HAND2: variants seen among roughly 807,000 people sequenced by gnomAD.
HAND2 encodes heart and neural crest derivatives expressed 2, also known as heart- and neural crest derivatives-expressed protein 2.
Under a neutral mutation model 14.7 loss-of-function variants are expected in HAND2, and 2 were observed. The ratio of observed to expected loss-of-function variants is 0.14; its 90% CI spans 0.06 to 0.43. The LOEUF (loss-of-function observed/expected upper bound fraction) is 0.43, where lower values mean the gene tolerates loss of function less well. HAND2 is among the 20% of genes least tolerant of loss of function. The pLI, the probability that HAND2 is intolerant of heterozygous loss-of-function variation, is 0.99. For missense variants in HAND2, 275 were observed against 313.6 expected, an observed-to-expected ratio of 0.88 and a Z score of 0.93; for synonymous variants, 162 against 135.9, an observed-to-expected ratio of 1.19 and a Z score of -1.34.
chr4:173,526,886 C>T lies in HAND2; in HGVS notation c.*391G>A. The T allele has an allele frequency of 2.2e-6, 1 of 457,378 alleles. No homozygotes were observed. 28.3% of individuals were successfully genotyped at this position (457,378 alleles called of 1,614,324 possible). A position where few individuals can be genotyped will look rare whatever the true frequency, so the allele number is the denominator to read the frequency against. ...AAGTATTAAAGATACACTTCACAAACGCACTAGTGCCCACTGTCTTTATCT... is the reference window on the plus strand; with the variant it reads ...AAGTATTAAAGATACACTTCACAAATGCACTAGTGCCCACTGTCTTTATCT... On this transcript the variant is annotated 3_prime_UTR_variant, in exon 2 of 2. Transcript: ENST00000359562.
chr4:173,528,506 G>A lies in HAND2; in HGVS notation c.555+229C>T, dbSNP rs1579037854. The A allele has an allele frequency of 3.4e-6, 2 of 584,564 alleles. No individual in the cohort carries two copies. Among genetic ancestry groups the A allele is most frequent in the Admixed American group, 6.0e-5 (2 of 33,496 alleles). 36.2% of individuals were successfully genotyped at this position (584,564 alleles called of 1,614,324 possible). A position where few individuals can be genotyped will look rare whatever the true frequency, so the allele number is the denominator to read the frequency against. On this transcript the variant is annotated intron_variant, in intron 1 of 1. Transcript: ENST00000359562. This position sits in a 1 kb window ranked among gnomAD's most constrained non-coding sequence, Gnocchi z 5.6. ...GGGAGCAGCGATAACCCGGAGGTAA[G>A]ATCACCAGCGCAAAGCATCCCTAAC...
At position 173,528,897 on chromosome 4, in the gene HAND2, G is replaced by T. The variant is rs372782210; in HGVS notation, c.393C>A (p.Ala131=). Residue 131 remains alanine (A), a synonymous_variant, in exon 1 of 2, where the codon GCC becomes GCA. Transcript: ENST00000359562. This position sits in a 1 kb window ranked among gnomAD's most constrained non-coding sequence, Gnocchi z 5.6. ...ELRECIPNVP[A]DTKLSKIKTL... is the part of the protein sequence containing the mutation. Reference sequence around the variant, plus strand: ...TCTTGATTTTGGAGAGTTTGGTGTCGGCGGGTACGTTGGGGATGCACTCGC... The same window carrying T: ...TCTTGATTTTGGAGAGTTTGGTGTCTGCGGGTACGTTGGGGATGCACTCGC... 2 of 1,614,030 alleles carry T rather than the reference G, an allele frequency of 1.2e-6. No homozygotes were observed. Among genetic ancestry groups the T allele is most frequent in the Admixed American group, 1.7e-5 (1 of 60,002 alleles).
chr4:173,527,450 C>T, intron 1 of HAND2, 75 bp from the exon 2 acceptor site: 1 of 982,354 alleles, frequency 1.0e-6, no homozygotes, highest in Non-Finnish European at 1.6e-6. Flanking sequence ...CACACCAACC[C>T]GGAGCTTCCT....
rs982965349 is a variant in HAND2 at position 173,527,181 on chromosome 4, A to T, written c.*96T>A. 3.7e-6 allele frequency: 3 copies of T among 814,092 alleles called. No homozygotes were observed. The highest frequency in any genetic ancestry group is 6.5e-6 in the Non-Finnish European group (3 of 463,036). 50.4% of individuals were successfully genotyped at this position (814,092 alleles called of 1,614,324 possible). Reference sequence around the variant, plus strand: ...GATTCCAAATGCAAGGAGTCCTCAGAGCGGAGCGCGGACGGCTTTTCCGGA... The same window carrying T: ...GATTCCAAATGCAAGGAGTCCTCAGTGCGGAGCGCGGACGGCTTTTCCGGA... On this transcript the variant is annotated 3_prime_UTR_variant, in exon 2 of 2. Transcript: ENST00000359562.
chr4:173,527,295 G>C lies in HAND2; in HGVS notation c.636C>G (p.Ala212=), dbSNP rs1029483128. 5 of 1,612,354 alleles carry C rather than the reference G, an allele frequency of 3.1e-6. No homozygotes were observed. The highest frequency in any genetic ancestry group is 4.2e-6 in the Non-Finnish European group (5 of 1,179,358). The change falls in exon 2 of 2, where the codon GCC becomes GCG. Residue 212 remains alanine, a synonymous_variant. Transcript: ENST00000359562. ...CTCCTCCTCACTGCTTGAGCTCCAG[G>C]GCCCAGACGTGCTGCGGCCAGCCCG... is the stretch of plus-strand genomic sequence containing the variant. The part of the protein sequence containing the change: ...GRTGWPQHVW[A]LELKQ
At position 173,526,837 on chromosome 4, in the gene HAND2, C is replaced by A; in HGVS notation, c.*440G>T. The A allele has an allele frequency of 2.6e-6, 1 of 380,488 alleles. No homozygotes were observed. 23.6% of individuals were successfully genotyped at this position (380,488 alleles called of 1,614,324 possible). ...CTTTGAAATAAAACTTTATAATACC[C>A]AGGAATATTTATATCCAAAGGCCAA... On this transcript the variant is annotated 3_prime_UTR_variant, in exon 2 of 2. Coordinates refer to ENST00000359562, the MANE Select transcript of HAND2 (RefSeq NM_021973.3).
intron 1 of HAND2, 23 bp from the exon 2 acceptor site, chr4:173,527,398 C>T: frequency 6.5e-7 from 1 of 1,534,424 alleles, no homozygotes; most frequent in Non-Finnish European, 9.0e-7. Context: ...AAGGCGAGGG[C>T]GAGAAAAGTG....
At position 173,526,433 on chromosome 4, in the gene HAND2, C is replaced by CCTTCTCCTCCTCCTCA; in HGVS notation, c.*843_*844insTGAGGAGGAGGAGAAG. 6.5e-6 allele frequency: 1 copy of CCTTCTCCTCCTCCTCA among 154,712 alleles called. No homozygotes were observed. The highest frequency in any genetic ancestry group is 1.4e-5 in the Non-Finnish European group (1 of 69,702). 9.6% of individuals were successfully genotyped at this position (154,712 alleles called of 1,614,324 possible). On this transcript the variant is annotated 3_prime_UTR_variant, in exon 2 of 2. Coordinates refer to ENST00000359562, the MANE Select transcript of HAND2 (RefSeq NM_021973.3). ...CTTCTCTTTAAGAGCACCTCCTCCT[C>CCTTCTCCTCCTCCTCA]CTGCGTAGGCCGCAGGTCAGGGTGA...
rs748365783 is a variant in HAND2, at chr4:173,527,247, G to C, written c.*30C>G. Reference sequence around the variant, plus strand: ...CTGGCGCCTTGGCCCCTGCTCACTCGCGCTCTCCTCCTCCTCCTTCTCCTC... The same window carrying C: ...CTGGCGCCTTGGCCCCTGCTCACTCCCGCTCTCCTCCTCCTCCTTCTCCTC... On this transcript the variant is annotated 3_prime_UTR_variant, in exon 2 of 2. Coordinates refer to ENST00000359562, the MANE Select transcript of HAND2 (RefSeq NM_021973.3). The C allele has an allele frequency of 1.1e-5, 16 of 1,514,312 alleles. No homozygotes were observed. Among genetic ancestry groups the C allele is most frequent in the Non-Finnish European group, 3.7e-6 (4 of 1,094,862 alleles). 93.8% of individuals were successfully genotyped at this position (1,514,312 alleles called of 1,614,324 possible).
intron 1 of HAND2, 130 bp from the exon 2 acceptor site, chr4:173,527,505 G>C: frequency 5.3e-6 from 4 of 756,366 alleles, no homozygotes; most frequent in Non-Finnish European, 9.6e-6. Flanking sequence ...ATACGATGGG[G>C]GAGTCCCAGC....
Position 173,527,389 on chromosome 4 carries a change from A to G in HAND2, c.556-14T>C. ...CAAGATTTCGTTCTGGACAGAGGAAAGGCGAGGGCGAGAAAAGTGGAAAGA... is the reference window on the plus strand; with the variant it reads ...CAAGATTTCGTTCTGGACAGAGGAAGGGCGAGGGCGAGAAAAGTGGAAAGA... On this transcript the variant is annotated splice_polypyrimidine_tract_variant and intron_variant, in intron 1 of 1. Coordinates refer to ENST00000359562, the MANE Select transcript of HAND2 (RefSeq NM_021973.3). 1.9e-6 allele frequency: 3 copies of G among 1,582,420 alleles called. No individual in the cohort carries two copies. The highest frequency in any genetic ancestry group is 2.6e-6 in the Non-Finnish European group (3 of 1,151,308).
rs749514760 is a variant in HAND2 at position 173,527,355 on chromosome 4, T to C, written c.576A>G (p.Thr192=). The change falls in exon 2 of 2, where the codon ACA becomes ACG. Residue 192 remains threonine, a synonymous_variant. Coordinates refer to ENST00000359562, the MANE Select transcript of HAND2 (RefSeq NM_021973.3). ...TGGTTTTCTTGTCGTTGCTGCTCACTGTGCTTTTCAAGATTTCGTTCTGGA... is the reference window on the plus strand; with the variant it reads ...TGGTTTTCTTGTCGTTGCTGCTCACCGTGCTTTTCAAGATTTCGTTCTGGA... ...KKELNEILKS[T]VSSNDKKTKG... is the part of the protein sequence containing the mutation. The C allele has an allele frequency of 5.0e-6, 8 of 1,613,458 alleles. No individual in the cohort carries two copies. Among genetic ancestry groups the C allele is most frequent in the African/African-American group, 1.3e-5 (1 of 75,020 alleles).
At position 173,529,054 on chromosome 4, in the gene HAND2, TG is replaced by T; in HGVS notation, c.235del (p.His79IlefsTer20). On this transcript the variant is annotated frameshift_variant, in exon 1 of 2. Transcript: ENST00000359562. LOFTEE classifies it high-confidence loss of function. Reference protein sequence around the residue: ...ASGAAGLDHSHYGGVPPGAGP... With the variant: ...ASGAAGLDHSXYGGVPPGAGP... ...GGCGCCCGGCGGCACCCCCCCGTAA[TG>T]GGAGTGGTCCAGGCCGGCGGCGCCG... is the stretch of plus-strand genomic sequence containing the variant. 1 of 1,502,866 alleles carries T rather than the reference TG, an allele frequency of 6.7e-7. No individual in the cohort carries two copies. Among genetic ancestry groups the T allele is most frequent in the South Asian group, 1.4e-5 (1 of 73,570 alleles). The allele number at this position is 1,502,866 out of a possible 1,614,324, so 93.1% of individuals were successfully genotyped here.
chr4:173,529,384 C>A lies in HAND2; in HGVS notation c.-95G>T. On this transcript the variant is annotated 5_prime_UTR_variant, in exon 1 of 2. Coordinates refer to ENST00000359562, the MANE Select transcript of HAND2 (RefSeq NM_021973.3). ...TGCCTCAGCGCTCGGCGTCCTCCCC[C>A]ACCCCCCACCCCCCAGCCCCCGGGC... is the stretch of plus-strand genomic sequence containing the variant. 1 of 898,116 alleles carries A rather than the reference C, an allele frequency of 1.1e-6. No individual in the cohort carries two copies. The highest frequency in any genetic ancestry group is 4.2e-5 in the East Asian group (1 of 23,688). The allele number at this position is 898,116 out of a possible 1,614,324, so 55.6% of individuals were successfully genotyped here.
chr4:173,528,099 A>G lies in HAND2; in HGVS notation c.555+636T>C, dbSNP rs1244592472. On this transcript the variant is annotated intron_variant, in intron 1 of 1. Coordinates refer to ENST00000359562, the MANE Select transcript of HAND2 (RefSeq NM_021973.3). The surrounding 1 kb of genome is among the most constrained non-coding windows in gnomAD (Gnocchi z 5.6). ...AAAATGTACAGGCTTATTCAAATAAAATTAGAAATGCCAATGGAATATACT... is the reference window on the plus strand; with the variant it reads ...AAAATGTACAGGCTTATTCAAATAAGATTAGAAATGCCAATGGAATATACT... 6.5e-6 allele frequency: 1 copy of G among 154,352 alleles called. No individual in the cohort carries two copies. Among genetic ancestry groups the G allele is most frequent in the Non-Finnish European group, 1.4e-5 (1 of 69,560 alleles). 9.6% of individuals were successfully genotyped at this position (154,352 alleles called of 1,614,324 possible). A position where few individuals can be genotyped will look rare whatever the true frequency, so the allele number is the denominator to read the frequency against.
Position 173,529,252 on chromosome 4 carries a change from A to C in HAND2, c.38T>G (p.Val13Gly). The change falls in exon 1 of 2, where the codon GTG (valine) becomes GGG (glycine). Residue 13 changes from valine (V) to glycine (G), a missense_variant. By Grantham distance (109) the Val-to-Gly change is moderately radical (BLOSUM62 -3). Coordinates refer to ENST00000359562, the MANE Select transcript of HAND2 (RefSeq NM_021973.3). Reference sequence around the variant, plus strand: ...GGCAAACGGGTAGCCCTCGTGGTGCACCACCGGGTGGTGGGGAAAACCACC... The same window carrying C: ...GGCAAACGGGTAGCCCTCGTGGTGCCCCACCGGGTGGTGGGGAAAACCACC... ...LVGGFPHHPV[V>G]HHEGYPFAAA... 3.6e-6 allele frequency: 5 copies of C among 1,382,284 alleles called. No homozygotes were observed. The highest frequency in any genetic ancestry group is 4.6e-6 in the Non-Finnish European group (5 of 1,076,436). 85.6% of individuals were successfully genotyped at this position (1,382,284 alleles called of 1,614,324 possible). A position where few individuals can be genotyped will look rare whatever the true frequency, so the allele number is the denominator to read the frequency against.
Position 173,528,732 on chromosome 4 carries a change from G to C in HAND2, c.555+3C>G, listed in dbSNP as rs1731589089. 1 of 1,612,066 alleles carries C rather than the reference G, an allele frequency of 6.2e-7. No individual in the cohort carries two copies. The highest frequency in any genetic ancestry group is 8.5e-7 in the Non-Finnish European group (1 of 1,179,134). ...CCACCGCCTGCCGCCCCCTGGTACT[G>C]ACCAGCTCCTTCTTCCTCTTCTCCT... On this transcript the variant is annotated splice_donor_region_variant and intron_variant, in intron 1 of 1. Coordinates refer to ENST00000359562, the MANE Select transcript of HAND2 (RefSeq NM_021973.3). The surrounding 1 kb of genome is among the most constrained non-coding windows in gnomAD (Gnocchi z 5.6).
At chr4:173,527,431 A>AC in intron 1 of HAND2, 56 bp from the exon 2 acceptor site, 1 of 1,183,976 alleles carries the variant, frequency 8.4e-7, no homozygotes, top group East Asian at 2.3e-5. Context: ...CAGAGAGGAT[A>AC]CCTGGTTCCA....
chr4:173,529,184 T>C lies in HAND2; in HGVS notation c.106A>G (p.Ser36Gly). Residue 36 changes from serine to glycine, a missense_variant, in exon 1 of 2, where the codon AGC (serine) becomes GGC (glycine). This residue lies in a region of HAND2 where 175 missense variants were observed against 157.1 expected (regional missense o/e 1.11). Transcript: ENST00000359562. ...TGGAAGTAGGGGTTCTCCTCATGGC[T>C]GCAGCGGCTGGCGGCGGCGGCGGCA... Reference protein sequence around the residue: ...AAAAAAASRCSHEENPYFHGW... With the variant: ...AAAAAAASRCGHEENPYFHGW... 1 of 1,447,088 alleles carries C rather than the reference T, an allele frequency of 6.9e-7. No individual in the cohort carries two copies. Among genetic ancestry groups the C allele is most frequent in the Non-Finnish European group, 9.0e-7 (1 of 1,107,536 alleles). The allele number at this position is 1,447,088 out of a possible 1,614,324, so 89.6% of individuals were successfully genotyped here. A position where few individuals can be genotyped will look rare whatever the true frequency, so the allele number is the denominator to read the frequency against.
Sources: allele counts gnomAD v4.1 joint callset, GRCh38; gene constraint gnomAD v4.1.1; regional missense constraint gnomAD v4.1.1; non-coding constraint Gnocchi (gnomAD v3.1); transcripts MANE v1.5; gene names NCBI Gene and HGNC (gene_info 2026-07-23, HGNC 2026-07-21).